Variants in ACKR3 observed in about 807,000 individuals in gnomAD.
ACKR3 encodes the protein C-X-C chemokine receptor type 7.
A neutral mutation model predicts 22.4 loss-of-function variants in ACKR3; 6 were observed. The ratio of observed to expected loss-of-function variants is 0.27; its 90% CI spans 0.15 to 0.53. The LOEUF (loss-of-function observed/expected upper bound fraction) is 0.53. ACKR3 is among the 20% of genes least tolerant of loss of function. ACKR3 has a pLI of 0.96. For synonymous variants in ACKR3, 209 were observed against 205.2 expected, an observed-to-expected ratio of 1.02 and a Z score of -0.16; for missense variants, 396 against 475.2, an observed-to-expected ratio of 0.83 and a Z score of 1.55.
At chr2:236,547,834 A>G in the ACKR3 span, among the ~76,000 whole-genome samples, 3 of 145,918 alleles carry the variant, frequency 2.1e-5, no homozygotes, top group Non-Finnish European at 4.5e-5. Flanking sequence ...CTTATCTTTC[A>G]TTCATTTTTT....
intron 1 of ACKR3, among the ~76,000 whole-genome samples, chr2:236,576,393 C>A (rs1383661866): frequency 1.3e-5 from 2 of 152,172 alleles, no homozygotes; most frequent in African/African-American, 2.4e-5. Context: ...CTTGAGGGGA[C>A]CTGTGATTTC....
chr2:236,565,224 C>G (rs1377499860), upstream of ACKR3, among the ~76,000 whole-genome samples: 1 of 151,934 alleles, frequency 6.6e-6, no homozygotes, highest in African/African-American at 2.4e-5. Flanking sequence ...ATAGAAGGCT[C>G]TATTATAATT....
chr2:236,570,618 T>C (rs931136122), intron 1 of ACKR3, among the ~76,000 whole-genome samples: 1 of 152,190 alleles, frequency 6.6e-6, no homozygotes, highest in African/African-American at 2.4e-5. Context: ...CAACTTCAAT[T>C]GGGGTTGGGG....
chr2:236,579,230 C>T (rs775066590), intron 1 of ACKR3, among the ~76,000 whole-genome samples: 1 of 152,214 alleles, frequency 6.6e-6, no homozygotes, highest in Non-Finnish European at 1.5e-5. Context: ...TCATATGTAA[C>T]CTGGAATCCA....
chr2:236,545,087 C>T, the ACKR3 span, among the ~76,000 whole-genome samples: 1 of 152,168 alleles, frequency 6.6e-6, no homozygotes, highest in African/African-American at 2.4e-5. This position sits in a 1 kb window ranked among gnomAD's most constrained non-coding sequence, Gnocchi z 5.3. Flanking sequence ...CATGCTTGTT[C>T]ACTATAGTCA....
At chr2:236,566,069 C>G (rs1339379822), upstream of ACKR3, among the ~76,000 whole-genome samples, 1 of 152,240 alleles carries the variant, frequency 6.6e-6, no homozygotes, top group Non-Finnish European at 1.5e-5. Context: ...TCCCAGATCA[C>G]AGACCCTACC....
At chr2:236,566,473 C>A (rs1022729870), upstream of ACKR3, among the ~76,000 whole-genome samples, 2 of 152,186 alleles carry the variant, frequency 1.3e-5, no homozygotes, top group African/African-American at 4.8e-5. Context: ...TGCATTCTGG[C>A]ATGGTAACTG....
intron 1 of ACKR3, among the ~76,000 whole-genome samples, chr2:236,571,344 G>A (rs1460864793): frequency 6.6e-6 from 1 of 152,158 alleles, no homozygotes; most frequent in Non-Finnish European, 1.5e-5. Flanking sequence ...TGGGGGGAGG[G>A]GAAAGCTGCC....
the ACKR3 span, among the ~76,000 whole-genome samples, chr2:236,538,917 T>C: frequency 6.6e-6 from 1 of 152,214 alleles, no homozygotes; most frequent in Admixed American, 6.5e-5. Flanking sequence ...ATACTCTAGC[T>C]CAGGGCAAAG....
intron 1 of ACKR3, among the ~76,000 whole-genome samples, chr2:236,573,119 C>T (rs1030334923): frequency 6.6e-6 from 1 of 152,166 alleles, no homozygotes; most frequent in African/African-American, 2.4e-5. Context: ...CCCTAGGTTA[C>T]TTGGTTGGTT....
chr2:236,570,835 T>A (rs1236557900), intron 1 of ACKR3, among the ~76,000 whole-genome samples: 1 of 141,350 alleles, frequency 7.1e-6, no homozygotes, highest in Non-Finnish European at 1.5e-5. Flanking sequence ...TGTCTCTCTT[T>A]CTCTCTTCCT....
the ACKR3 span, among the ~76,000 whole-genome samples, chr2:236,541,166 G>T: frequency 6.6e-6 from 1 of 152,176 alleles, no homozygotes; most frequent in Admixed American, 6.5e-5. Flanking sequence ...AATCGTATAA[G>T]ATTATAAAAG....
At chr2:236,575,065 G>C (rs1169910761) in intron 1 of ACKR3, among the ~76,000 whole-genome samples, 1 of 152,086 alleles carries the variant, frequency 6.6e-6, no homozygotes, top group East Asian at 1.9e-4. Context: ...TGGGAAAAAG[G>C]GAATGAAAGC....
chr2:236,544,942 T>C, the ACKR3 span, among the ~76,000 whole-genome samples: 1 of 152,190 alleles, frequency 6.6e-6, no homozygotes, highest in Non-Finnish European at 1.5e-5. This position sits in a 1 kb window ranked among gnomAD's most constrained non-coding sequence, Gnocchi z 5.0. Flanking sequence ...GATATATTTG[T>C]AGAAAACTCA....
chr2:236,563,877 T>A (rs945253712), upstream of ACKR3, among the ~76,000 whole-genome samples: 11 of 152,186 alleles, frequency 7.2e-5, no homozygotes, highest in Admixed American at 2.6e-4. Flanking sequence ...TCAGGAAGTA[T>A]CTGAGGGGCT....
intron 1 of ACKR3, among the ~76,000 whole-genome samples, chr2:236,578,399 C>T (rs935459699): frequency 1.3e-4 from 20 of 152,210 alleles, no homozygotes; most frequent in African/African-American, 4.8e-4. Flanking sequence ...GTCATAAGTC[C>T]GTGGTCACAG....
the ACKR3 span, among the ~76,000 whole-genome samples, chr2:236,542,948 T>C: frequency 1.3e-5 from 2 of 152,252 alleles, no homozygotes; most frequent in Non-Finnish European, 2.9e-5. Context: ...ATACATTCTA[T>C]ATGCGGGCCC....
chr2:236,558,829 T>A, the ACKR3 span, among the ~76,000 whole-genome samples: 5 of 152,166 alleles, frequency 3.3e-5, no homozygotes, highest in African/African-American at 1.2e-4. Flanking sequence ...CAAATGTAAG[T>A]GGAAACGAAA....
upstream of ACKR3, among the ~76,000 whole-genome samples, chr2:236,562,873 A>G (rs898889940): frequency 1.3e-5 from 2 of 152,142 alleles, no homozygotes; most frequent in Non-Finnish European, 2.9e-5. Flanking sequence ...CGGAAATTTA[A>G]AAGGAAAGAA....
Sources: allele counts gnomAD v4.1 joint callset (sites outside exome capture counted in the v4.1 genomes callset), GRCh38; gene constraint gnomAD v4.1.1; non-coding constraint Gnocchi (gnomAD v3.1); transcripts MANE v1.5; gene names NCBI Gene and HGNC (gene_info 2026-07-23, HGNC 2026-07-21).